The following ZNF394 variants were observed in gnomAD, a reference collection of about 807,000 sequenced individuals.
The protein encoded by ZNF394 is zinc finger protein 394, also known as zinc finger protein 99.
In ZNF394, 19 loss-of-function variants were observed where a neutral mutation model predicts 21.8. The ratio of observed to expected loss-of-function variants is 0.87; its 90% CI spans 0.61 to 1.28. The LOEUF (loss-of-function observed/expected upper bound fraction) is 1.28, where lower values mean the gene tolerates loss of function less well. Among genes scored for constraint, ZNF394 ranks in the 50% most tolerant of loss-of-function variants. The pLI, the probability that ZNF394 is intolerant of heterozygous loss-of-function variation, is 0.00. For synonymous variants in ZNF394, 294 were observed against 273.3 expected, an observed-to-expected ratio of 1.08 and a Z score of -0.75; for missense variants, 683 against 708.6, an observed-to-expected ratio of 0.96 and a Z score of 0.41.
chr7:99,493,406 A>G lies in ZNF394; in HGVS notation c.*123T>C. On this transcript the variant is annotated 3_prime_UTR_variant, in exon 3 of 3. Transcript: ENST00000337673. Reference sequence around the variant, plus strand: ...CGAATAGCTGGGCTTACAGGCATGCACCACCATGCCCGGCTCATTTTTGTA... The same window carrying G: ...CGAATAGCTGGGCTTACAGGCATGCGCCACCATGCCCGGCTCATTTTTGTA... The G allele has an allele frequency of 9.7e-7, 1 of 1,034,928 alleles. No homozygotes were observed. Among genetic ancestry groups the G allele is most frequent in the Non-Finnish European group, 1.4e-6 (1 of 732,514 alleles). 64.1% of individuals were successfully genotyped at this position (1,034,928 alleles called of 1,614,324 possible). A position where few individuals can be genotyped will look rare whatever the true frequency, so the allele number is the denominator to read the frequency against.
In ZNF394 at chr7:99,495,919, G is replaced by A. The variant is rs200395709; in HGVS notation, c.584-1288C>T. Among the ~76,000 whole-genome samples, 3 of 151,224 alleles carry A rather than the reference G, an allele frequency of 2.0e-5. No homozygotes were observed. The East Asian group carries it at 5.9e-4, about 30-fold the overall frequency. On this transcript the variant is annotated intron_variant, in intron 2 of 2. Transcript: ENST00000337673. ...TTACTGGCATGAGCCACTGCACCCAGCCTATTTATTTTATCTTTTTGAGAC... is the reference window on the plus strand; with the variant it reads ...TTACTGGCATGAGCCACTGCACCCAACCTATTTATTTTATCTTTTTGAGAC...
chr7:99,488,828 T>A (rs1402566358), downstream of ZNF394, among the ~76,000 whole-genome samples: 1 of 148,416 alleles, frequency 6.7e-6, no homozygotes, highest in Non-Finnish European at 1.5e-5. Flanking sequence ...CTTGGGAGGC[T>A]GAGGTAGGAG....
At chr7:99,497,368 G>C (rs1346427681) in intron 2 of ZNF394, among the ~76,000 whole-genome samples, 2 of 150,396 alleles carry the variant, frequency 1.3e-5, no homozygotes, top group Admixed American at 6.6e-5. Context: ...TTTTAGTAGA[G>C]ACAGGGTTTC....
downstream of ZNF394, among the ~76,000 whole-genome samples, chr7:99,490,828 T>G (rs1382687292): frequency 6.6e-6 from 1 of 151,882 alleles, no homozygotes. Context: ...AACAGTCACA[T>G]CCAAAGCGCA....
rs533630222 is a variant in ZNF394, at chr7:99,496,351, C to T, written c.584-1720G>A. Among the ~76,000 whole-genome samples, 4 of 151,918 alleles carry T rather than the reference C, an allele frequency of 2.6e-5. No individual in the cohort carries two copies. In the South Asian group the frequency reaches 6.2e-4, roughly 24 times the overall value. Reference sequence around the variant, plus strand: ...GATTACAGGTATGAGCCACCACACCCGGCACAAGGGAGCAATTTGAGCAAA... The same window carrying T: ...GATTACAGGTATGAGCCACCACACCTGGCACAAGGGAGCAATTTGAGCAAA... On this transcript the variant is annotated intron_variant, in intron 2 of 2. Coordinates refer to ENST00000337673, the MANE Select transcript of ZNF394 (RefSeq NM_032164.4).
rs1378767559 is a variant in ZNF394, at chr7:99,499,640, G to A, written c.454C>T (p.Gln152Ter). ...AGAACAGGCCTTTCGCTTCTCACCT[G>A]GGATGAGGTTCCATCGAGCGCTCGC... ...LQRALDGTSS[Q>*]GMVTFEDTAV... Residue 152 changes from glutamine (Q) to a stop codon, truncating the protein, a stop_gained and splice_region_variant, in exon 1 of 3, where the codon CAG becomes TAG. Transcript: ENST00000337673. LOFTEE classifies it high-confidence loss of function. 1 of 1,587,782 alleles carries A rather than the reference G, an allele frequency of 6.3e-7. No individual in the cohort carries two copies.
rs1800047454 is a variant in ZNF394, at chr7:99,487,661, T to G, written n.84-698A>C. The G allele has an allele frequency of 5.5e-6, 4 of 723,100 alleles. No homozygotes were observed. The Admixed American group carries it at 1.3e-4, about 23-fold the overall frequency. The allele number at this position is 723,100 out of a possible 1,614,324, so 44.8% of individuals were successfully genotyped here. A position where few individuals can be genotyped will look rare whatever the true frequency, so the allele number is the denominator to read the frequency against. ...GAAACGCTTAAAAGGAAATGTTAGC[T>G]TGGGCAACACAGTGAGATCCCATCT... is the stretch of plus-strand genomic sequence containing the variant. On this transcript the variant is annotated intron_variant and non_coding_transcript_variant, in intron 1 of 1. Coordinates refer to the ZNF394 transcript ENST00000462024.
downstream of ZNF394, chr7:99,493,083 C>T (rs941592600): frequency 5.7e-5 from 28 of 492,560 alleles, no homozygotes; most frequent in Non-Finnish European, 7.1e-5. Context: ...CTTCCTCATT[C>T]CTCACTCACT....
At chr7:99,497,497 T>C (rs1259777891) in intron 2 of ZNF394, among the ~76,000 whole-genome samples, 2 of 151,922 alleles carry the variant, frequency 1.3e-5, no homozygotes, top group African/African-American at 2.4e-5. Flanking sequence ...TTTTTCCTTA[T>C]ATGTACATCC....
downstream of ZNF394, chr7:99,493,121 G>A (rs1046165594): frequency 2.5e-6 from 2 of 808,762 alleles, no homozygotes; most frequent in African/African-American, 3.7e-5. Flanking sequence ...ATGAGGCTCA[G>A]GACAGATTGA....
At chr7:99,499,316 C>T (rs1001990582) in intron 1 of ZNF394, among the ~76,000 whole-genome samples, 1 of 150,768 alleles carries the variant, frequency 6.6e-6, no homozygotes, top group African/African-American at 2.4e-5. Context: ...TCAGAGGTTG[C>T]AGCGAGCCGA....
In ZNF394 at chr7:99,494,206, C is replaced by T; in HGVS notation, c.1009G>A (p.Gly337Arg). 1 of 1,614,238 alleles carries T rather than the reference C, an allele frequency of 6.2e-7. No homozygotes were observed. The highest frequency in any genetic ancestry group is 8.5e-7 in the Non-Finnish European group (1 of 1,180,054). The stretch of plus-strand genomic sequence containing the variant: ...AGGCTGGAATGATGGAAACTGTCTC[C>T]ACTGTCAGACTTGTGAGGTTTCAGC... ...HVLKPHKSDS[G>R]DSFHHSSLFE... Residue 337 changes from glycine (G) to arginine (R), a missense_variant, in exon 3 of 3, where the codon GGA becomes AGA. Physicochemically the swap from Gly to Arg is moderately radical, Grantham distance 125 (BLOSUM62 -2). This residue lies in a region of ZNF394 where 274 missense variants were observed against 314.1 expected (regional missense o/e 0.87). Transcript: ENST00000337673.
At chr7:99,487,407 T>A in intron 1 of ZNF394, 1 of 1,614,228 alleles carries the variant, frequency 6.2e-7, no homozygotes, top group Non-Finnish European at 8.5e-7. Flanking sequence ...CCTACCAATG[T>A]GTCATATGTG....
chr7:99,498,759 G>C lies in ZNF394; in HGVS notation c.540C>G (p.Cys180Trp). ...CGGAATCCTTCTGCGCACTCTCTCTGCAGAAGTCCCTCCGTGCTGGGTCCA... is the reference window on the plus strand; with the variant it reads ...CGGAATCCTTCTGCGCACTCTCTCTCCAGAAGTCCCTCCGTGCTGGGTCCA... ...ERLDPARRDFCRESAQKDSGS... is the reference protein window; with the variant it reads ...ERLDPARRDFWRESAQKDSGS... Residue 180 changes from cysteine to tryptophan, a missense_variant, in exon 2 of 3, where the codon TGC becomes TGG. Cys to Trp is a radical substitution (Grantham distance 215, BLOSUM62 -2). This residue lies in a region of ZNF394 where 402 missense variants were observed against 373.8 expected (regional missense o/e 1.08). Coordinates refer to ENST00000337673, the MANE Select transcript of ZNF394 (RefSeq NM_032164.4). 6.2e-7 allele frequency: 1 copy of C among 1,614,054 alleles called. No homozygotes were observed. The highest frequency in any genetic ancestry group is 8.5e-7 in the Non-Finnish European group (1 of 1,179,996).
Position 99,493,399 on chromosome 7 carries a change from G to C in ZNF394, c.*130C>G. On this transcript the variant is annotated 3_prime_UTR_variant, in exon 3 of 3. Transcript: ENST00000337673. ...AGCCTCCCGAATAGCTGGGCTTACA[G>C]GCATGCACCACCATGCCCGGCTCAT... 9.8e-7 allele frequency: 1 copy of C among 1,016,330 alleles called. No individual in the cohort carries two copies. Among genetic ancestry groups the C allele is most frequent in the East Asian group, 2.6e-5 (1 of 37,878 alleles). The allele number at this position is 1,016,330 out of a possible 1,614,324, so 63.0% of individuals were successfully genotyped here.
chr7:99,493,316 GCA>G lies in ZNF394; in HGVS notation c.*211_*212del. 8.3e-7 allele frequency: 1 copy of G among 1,198,058 alleles called. No individual in the cohort carries two copies. Among genetic ancestry groups the G allele is most frequent in the Non-Finnish European group, 1.1e-6 (1 of 926,434 alleles). The allele number at this position is 1,198,058 out of a possible 1,614,324, so 74.2% of individuals were successfully genotyped here. A position where few individuals can be genotyped will look rare whatever the true frequency, so the allele number is the denominator to read the frequency against. On this transcript the variant is annotated 3_prime_UTR_variant, in exon 3 of 3. Coordinates refer to ENST00000337673, the MANE Select transcript of ZNF394 (RefSeq NM_032164.4). ...CTGTTGCCCAGGCTGGAGTGCAGTG[GCA>G]TGATCTCAGCTCACTGCAACTTCCG...
chr7:99,492,745 CAGG>C (rs1453057605), downstream of ZNF394, among the ~76,000 whole-genome samples: 1 of 150,764 alleles, frequency 6.6e-6, no homozygotes, highest in East Asian at 1.9e-4. Context: ...TCCTTGAGCC[CAGG>C]AGGTTGAGAC....
chr7:99,490,155 T>TG (rs1750830250), downstream of ZNF394, among the ~76,000 whole-genome samples: 1 of 139,026 alleles, frequency 7.2e-6, no homozygotes, highest in Non-Finnish European at 1.5e-5. Context: ...TCTTTTTTTT[T>TG]TTTTTTTTTT....
At chr7:99,497,155 T>TGA (rs1554380778) in intron 2 of ZNF394, among the ~76,000 whole-genome samples, 1 of 132,612 alleles carries the variant, frequency 7.5e-6, no homozygotes, top group African/African-American at 3.2e-5. Flanking sequence ...TATATATATA[T>TGA]AAAATGTTTT....
Sources: gnomAD v4.1 joint callset for allele counts (sites outside exome capture counted in the v4.1 genomes callset) on GRCh38, gnomAD v4.1.1 for gene constraint, gnomAD v4.1.1 regional missense constraint, MANE v1.5 for transcripts, NCBI Gene and HGNC (gene_info 2026-07-23, HGNC 2026-07-21) for gene names.